Variants in IQCM observed in about 807,000 individuals in gnomAD.
The protein encoded by IQCM is IQ motif containing M.
IQCM carries 45 observed loss-of-function variants against 57.6 expected under a neutral mutation model. The observed-to-expected ratio is 0.78, with a 90% CI of 0.62 to 1.00. IQCM has a LOEUF of 1.00. Ranked by LOEUF, IQCM falls within the 50% of genes least tolerant of loss-of-function variation. The pLI is 0.00. For missense variants in IQCM, 468 were observed against 511.6 expected (o/e 0.91, Z 0.82); for synonymous variants, 148 against 158.9 (o/e 0.93, Z 0.51).
chr4:149,508,482 A>T (rs1235117905), intron 12 of IQCM, among the ~76,000 whole-genome samples: 1 of 152,152 alleles, frequency 6.6e-6, no homozygotes, highest in African/African-American at 2.4e-5. Context: ...AAAGGAGATC[A>T]TTTTGGAGGT....
At chr4:149,587,505 C>G (rs1464680514) in intron 9 of IQCM, among the ~76,000 whole-genome samples, 5 of 151,672 alleles carry the variant, frequency 3.3e-5, no homozygotes, top group Non-Finnish European at 7.4e-5. Flanking sequence ...GCAAAGCAAT[C>G]TAAGAGTTTT....
intron 12 of IQCM, among the ~76,000 whole-genome samples, chr4:149,517,791 G>A (rs937453521): frequency 6.6e-6 from 1 of 152,124 alleles, no homozygotes; most frequent in Admixed American, 6.5e-5. Context: ...AGCCTTCCAG[G>A]ATAGGTCTTT....
intron 8 of IQCM, among the ~76,000 whole-genome samples, chr4:149,611,480 C>A (rs978467410): frequency 6.6e-6 from 1 of 152,066 alleles, no homozygotes; most frequent in African/African-American, 2.4e-5. Flanking sequence ...GGTACATATA[C>A]ACAATAGAAT....
chr4:149,449,618 T>C (rs1299338849), intron 12 of IQCM, among the ~76,000 whole-genome samples: 2 of 151,092 alleles, frequency 1.3e-5, no homozygotes, highest in Admixed American at 6.6e-5. Context: ...TTTAAATAGC[T>C]GCACATAAAA....
At chr4:149,734,790 T>C (rs77200466) in intron 4 of IQCM, among the ~76,000 whole-genome samples, 11,443 of 152,138 alleles carry the variant, frequency 0.075, 600 homozygotes, top group Non-Finnish European at 0.11. Flanking sequence ...CTCTGTCTCT[T>C]TGTTATCCCT....
At chr4:149,527,047 G>A (rs1319569906) in intron 12 of IQCM, among the ~76,000 whole-genome samples, 1 of 152,060 alleles carries the variant, frequency 6.6e-6, no homozygotes, top group Non-Finnish European at 1.5e-5. Context: ...TTTCCTATCT[G>A]ACTCCTGGAA....
chr4:149,623,212 A>G (rs191545114), intron 7 of IQCM, among the ~76,000 whole-genome samples: 2 of 152,222 alleles, frequency 1.3e-5, no homozygotes, highest in Admixed American at 6.5e-5. Flanking sequence ...TGATTAAAAA[A>G]TGAATTGTCT....
intron 13 of IQCM, among the ~76,000 whole-genome samples, chr4:149,383,857 G>A (rs1455787867): frequency 3.3e-5 from 5 of 152,068 alleles, no homozygotes; most frequent in African/African-American, 7.2e-5. Flanking sequence ...GGAGGCTGAG[G>A]CAGGAGAATC....
At chr4:149,632,998 A>G (rs1229298675) in intron 7 of IQCM, among the ~76,000 whole-genome samples, 1 of 150,508 alleles carries the variant, frequency 6.6e-6, no homozygotes, top group Non-Finnish European at 1.5e-5. Flanking sequence ...CGTCTCTACT[A>G]AAAATACAAA....
chr4:149,439,954 G>A (rs563064363), intron 12 of IQCM, among the ~76,000 whole-genome samples: 20 of 146,108 alleles, frequency 1.4e-4, no homozygotes, highest in Non-Finnish European at 2.9e-4. Flanking sequence ...ATTAAGTGTT[G>A]CTATTCTTTT....
At chr4:149,739,374 A>G (rs1219445194) in intron 3 of IQCM, among the ~76,000 whole-genome samples, 3 of 152,054 alleles carry the variant, frequency 2.0e-5, no homozygotes, top group African/African-American at 4.8e-5. Context: ...CACCTAACAT[A>G]TAAGCTTTCA....
At chr4:149,660,672 G>A (rs1236524910) in intron 7 of IQCM, among the ~76,000 whole-genome samples, 1 of 152,040 alleles carries the variant, frequency 6.6e-6, no homozygotes, top group Non-Finnish European at 1.5e-5. Context: ...ATGAGTTCAT[G>A]TCCTTTGTAG....
intron 2 of IQCM, among the ~76,000 whole-genome samples, chr4:149,799,138 C>G (rs1773379736): frequency 6.6e-6 from 1 of 151,160 alleles, no homozygotes; most frequent in Admixed American, 6.6e-5. Flanking sequence ...AAAATAATAT[C>G]AAGCATCTTC....
intron 12 of IQCM, among the ~76,000 whole-genome samples, chr4:149,496,242 T>C (rs1386609902): frequency 6.6e-6 from 1 of 152,126 alleles, no homozygotes. Context: ...TTATACTTAA[T>C]ATGAGCCAGG....
chr4:149,594,440 T>C (rs1753554751), intron 8 of IQCM, among the ~76,000 whole-genome samples: 1 of 152,312 alleles, frequency 6.6e-6, no homozygotes, highest in South Asian at 2.1e-4. Flanking sequence ...GAAGGGCTTT[T>C]GTGTCTCTAC....
At chr4:149,740,549 C>T (rs1767364880) in intron 3 of IQCM, among the ~76,000 whole-genome samples, 1 of 152,056 alleles carries the variant, frequency 6.6e-6, no homozygotes, top group South Asian at 2.1e-4. Flanking sequence ...AAGCTTTACA[C>T]TGTATTATTG....
chr4:149,418,565 A>C (rs970866587), intron 13 of IQCM, among the ~76,000 whole-genome samples: 7 of 152,170 alleles, frequency 4.6e-5, no homozygotes, highest in Non-Finnish European at 8.8e-5. Context: ...ATTGAAAAGA[A>C]GGAACTCCTC....
At chr4:149,555,565 T>C (rs1749500411) in intron 10 of IQCM, among the ~76,000 whole-genome samples, 1 of 152,246 alleles carries the variant, frequency 6.6e-6, no homozygotes, top group African/African-American at 2.4e-5. Flanking sequence ...ACTCTTTCTG[T>C]ATAGGATTTG....
rs1409336718 is a variant in IQCM at position 149,392,016 on chromosome 4, T to C, written c.1391-39950A>G. Among the ~76,000 whole-genome samples, 3 of 151,984 alleles carry C rather than the reference T, an allele frequency of 2.0e-5. No individual in the cohort carries two copies. The East Asian group carries it at 5.8e-4, about 29-fold the overall frequency. On this transcript the variant is annotated intron_variant, in intron 13 of 13. Transcript: ENST00000636793. Reference sequence around the variant, plus strand: ...AGGTGGTTTAAGTGTTTAGGTTCTCTATTTCCTTGTTGATCTTCTCCCTAG... The same window carrying C: ...AGGTGGTTTAAGTGTTTAGGTTCTCCATTTCCTTGTTGATCTTCTCCCTAG...
Sources: gnomAD v4.1 joint callset for allele counts (sites outside exome capture counted in the v4.1 genomes callset) on GRCh38, gnomAD v4.1.1 for gene constraint, MANE v1.5 for transcripts, NCBI Gene and HGNC (gene_info 2026-07-23, HGNC 2026-07-21) for gene names.